The following KCNIP3 variants were observed in gnomAD, a reference collection of about 807,000 sequenced individuals.
KCNIP3 encodes the protein calsenilin.
KCNIP3 carries 28 observed loss-of-function variants against 35.0 expected under a neutral mutation model. The observed-to-expected ratio is 0.80, with a 90% CI of 0.59 to 1.10. KCNIP3 has a LOEUF of 1.10. KCNIP3 is among the 50% of genes least tolerant of loss of function. KCNIP3 has a pLI of 0.00. For synonymous variants in KCNIP3, 134 were observed against 133.8 expected, an observed-to-expected ratio of 1.00 and a Z score of -0.01; for missense variants, 295 against 338.4, an observed-to-expected ratio of 0.87 and a Z score of 1.01.
intron 1 of KCNIP3, among the ~76,000 whole-genome samples, chr2:95,309,500 T>A (rs1283336122): frequency 6.6e-6 from 1 of 151,034 alleles, no homozygotes; most frequent in Admixed American, 6.6e-5. Flanking sequence ...CTCAGCTCAC[T>A]GTAACCTCCG....
chr2:95,381,549 CTGGG>C, intron 5 of KCNIP3, 43 bp from the exon 6 acceptor site: 7 of 1,375,836 alleles, frequency 5.1e-6, no homozygotes, highest in Non-Finnish European at 5.2e-6. Context: ...GAACTAGAAC[CTGGG>C]CATTGATTGG....
intron 2 of KCNIP3, among the ~76,000 whole-genome samples, chr2:95,324,645 G>A (rs921957263): frequency 2.6e-5 from 4 of 151,988 alleles, no homozygotes; most frequent in Admixed American, 6.6e-5. Context: ...TGGCATGGTG[G>A]CTCACGCCTG....
intron 2 of KCNIP3, among the ~76,000 whole-genome samples, chr2:95,363,047 G>T (rs1679838579): frequency 1.3e-5 from 2 of 152,048 alleles, no homozygotes; most frequent in Non-Finnish European, 2.9e-5. Flanking sequence ...TTCATCATTT[G>T]TGAACACTCT....
At chr2:95,336,405 G>C (rs187176148) in intron 2 of KCNIP3, among the ~76,000 whole-genome samples, 1 of 152,254 alleles carries the variant, frequency 6.6e-6, no homozygotes, top group East Asian at 1.9e-4. Context: ...CAAATTCTCT[G>C]TTAAATTTTA....
chr2:95,350,148 G>A (rs1445769612), intron 2 of KCNIP3, among the ~76,000 whole-genome samples: 1 of 152,154 alleles, frequency 6.6e-6, no homozygotes, highest in Non-Finnish European at 1.5e-5. Flanking sequence ...GCTGGTGGAG[G>A]GTGTTGGTGG....
rs369746275 is a variant in KCNIP3, at chr2:95,297,489, G to T, written c.15+36G>T. On this transcript the variant is annotated intron_variant, in intron 1 of 8. Coordinates refer to ENST00000295225, the MANE Select transcript of KCNIP3 (RefSeq NM_013434.5). ...GGGGAATGGGGTCTTGCTCTGGAGG[G>T]GGGTCGGGGGGAGGAATGGAGGCTT... is the stretch of plus-strand genomic sequence containing the variant. The T allele has an allele frequency of 2.2e-6, 3 of 1,334,374 alleles. No individual in the cohort carries two copies. Among genetic ancestry groups the T allele is most frequent in the East Asian group, 2.5e-5 (1 of 40,442 alleles). The allele number at this position is 1,334,374 out of a possible 1,614,324, so 82.7% of individuals were successfully genotyped here.
chr2:95,299,102 C>G (rs557713315), intron 1 of KCNIP3: 23 of 152,446 alleles, frequency 1.5e-4, no homozygotes, highest in African/African-American at 4.6e-4. Flanking sequence ...CTGAGTCCTG[C>G]ACTTACATCT....
chr2:95,306,431 C>G (rs1354185628), intron 1 of KCNIP3, among the ~76,000 whole-genome samples: 2 of 152,224 alleles, frequency 1.3e-5, no homozygotes, highest in Non-Finnish European at 2.9e-5. Context: ...TCAGGTTCCA[C>G]TCTCGCAGAG....
intron 2 of KCNIP3, among the ~76,000 whole-genome samples, chr2:95,369,279 A>G (rs1227739670): frequency 1.3e-5 from 2 of 152,162 alleles, no homozygotes; most frequent in Non-Finnish European, 2.9e-5. Context: ...ATTTTTAAAT[A>G]TTGAATCAGC....
chr2:95,315,657 G>C lies in KCNIP3; in HGVS notation c.181+5137G>C, dbSNP rs554242386. Among the ~76,000 whole-genome samples the C allele has an allele frequency of 9.2e-4, 140 of 152,282 alleles. 1 individual carries two copies. The highest frequency in any genetic ancestry group is 3.3e-3 in the African/African-American group (137 of 41,550). ...TACCAGGAAGATGTCCCTTCTCCAC[G>C]TCCTTCCCCTAGGTGGGCCTCAGTG... On this transcript the variant is annotated intron_variant, in intron 2 of 8. Coordinates refer to ENST00000295225, the MANE Select transcript of KCNIP3 (RefSeq NM_013434.5).
intron 2 of KCNIP3, among the ~76,000 whole-genome samples, chr2:95,320,188 A>G (rs1457029716): frequency 5.9e-5 from 9 of 152,162 alleles, no homozygotes; most frequent in Admixed American, 5.2e-4. Flanking sequence ...GCCTGCTGCC[A>G]AGGTATGGAA....
intron 2 of KCNIP3, among the ~76,000 whole-genome samples, chr2:95,339,395 C>T (rs1679138054): frequency 6.6e-6 from 1 of 151,912 alleles, no homozygotes; most frequent in African/African-American, 2.4e-5. Context: ...GCCTGGCCAA[C>T]ACGGTGAAAC....
intron 2 of KCNIP3, among the ~76,000 whole-genome samples, chr2:95,328,451 G>GGTGGGGAGGGCA (rs968088659): frequency 2.6e-5 from 4 of 152,358 alleles, no homozygotes; most frequent in African/African-American, 9.6e-5. Context: ...GGAGGAGAGC[G>GGTGGGGAGGGCA]GTGGGGAGGG....
chr2:95,331,557 C>T (rs757715817), intron 2 of KCNIP3, among the ~76,000 whole-genome samples: 3 of 152,150 alleles, frequency 2.0e-5, no homozygotes, highest in Admixed American at 6.5e-5. Context: ...CTGAGCCAGT[C>T]GTGCACGCTG....
At chr2:95,346,583 C>T (rs1028537796) in intron 2 of KCNIP3, 2 of 146,250 alleles carry the variant, frequency 1.4e-5, no homozygotes, top group African/African-American at 4.9e-5. Flanking sequence ...CCGGGAGCGC[C>T]CGGGACCCCC....
At chr2:95,334,824 C>G (rs1485813507) in intron 2 of KCNIP3, among the ~76,000 whole-genome samples, 1 of 152,200 alleles carries the variant, frequency 6.6e-6, no homozygotes, top group Non-Finnish European at 1.5e-5. Context: ...TTCAATGTTA[C>G]TAGATACTTG....
chr2:95,310,923 A>G (rs1315484306), intron 2 of KCNIP3: 2 of 283,000 alleles, frequency 7.1e-6, no homozygotes, highest in African/African-American at 4.4e-5. Context: ...TCCACAGGGC[A>G]CATTTGAAGA....
At chr2:95,374,067 C>T (rs1055429280) in intron 2 of KCNIP3, among the ~76,000 whole-genome samples, 1 of 152,222 alleles carries the variant, frequency 6.6e-6, no homozygotes, top group Non-Finnish European at 1.5e-5. Context: ...GCAGGGGCTG[C>T]GATGGGGAGG....
chr2:95,303,132 C>T (rs534668832), intron 1 of KCNIP3: 12 of 152,276 alleles, frequency 7.9e-5, no homozygotes, highest in Non-Finnish European at 1.5e-4. Context: ...ACTAGCGGCT[C>T]GAGGGTTTCA....
Sources: allele counts gnomAD v4.1 joint callset (sites outside exome capture counted in the v4.1 genomes callset), GRCh38; gene constraint gnomAD v4.1.1; transcripts MANE v1.5; gene names NCBI Gene and HGNC (gene_info 2026-07-23, HGNC 2026-07-21).